Variants in PPP2R3B observed in about 807,000 individuals in gnomAD.
PPP2R3B encodes the protein serine/threonine-protein phosphatase 2A regulatory subunit B'' subunit beta.
In PPP2R3B, 68 loss-of-function variants were observed where a neutral mutation model predicts 72.9. The observed-to-expected ratio is 0.93, with a 90% confidence interval of 0.77 to 1.14. The LOEUF is 1.14. Ranked by LOEUF, PPP2R3B falls within the 50% of genes most tolerant of loss-of-function variation. The probability of loss-of-function intolerance (pLI) is 0.00; values close to 1 mark genes in which losing one functional copy is unlikely to be tolerated. For missense variants in PPP2R3B, 1,018 were observed against 842.0 expected, an observed-to-expected ratio of 1.21 and a Z score of -2.59; for synonymous variants, 466 against 375.8, an observed-to-expected ratio of 1.24 and a Z score of -2.78.
chrX:346,100 A>AGG lies in PPP2R3B; in HGVS notation c.879+72_879+73dup, dbSNP rs2071203589. ...GGGAGGGGAGGAGGGAGGGGGGAGGAGGGAAGGGAAGGGAGTGGAGGTAGG... is the reference window on the plus strand; with the variant it reads ...GGGAGGGGAGGAGGGAGGGGGGAGGAGGGGGAAGGGAAGGGAGTGGAGGTAGG... On this transcript the variant is annotated intron_variant, in intron 6 of 12. Coordinates refer to ENST00000390665, the MANE Select transcript of PPP2R3B (RefSeq NM_013239.5). 17 of 656,428 alleles carry AGG rather than the reference A, an allele frequency of 2.6e-5. 2 individuals carry two copies. Among genetic ancestry groups the AGG allele is most frequent in the South Asian group, 2.4e-4 (14 of 57,968 alleles). The allele number at this position is 656,428 out of a possible 1,614,324, so 40.7% of individuals were successfully genotyped here.
At position 341,015 on chromosome X, in the gene PPP2R3B, CCCA is replaced by C. The variant is rs1459999320; in HGVS notation, c.1176-78_1176-76del. 21 of 1,555,108 alleles carry C rather than the reference CCCA, an allele frequency of 1.4e-5. No individual in the cohort carries two copies. In the African/African-American group the frequency reaches 2.2e-4, roughly 16 times the overall value. On this transcript the variant is annotated intron_variant, in intron 9 of 12. Coordinates refer to ENST00000390665, the MANE Select transcript of PPP2R3B (RefSeq NM_013239.5). Reference sequence around the variant, plus strand: ...GTGACCTGCAGCCCCTGAGGCAGCCCCCACCGGGGGTGCACGCGTCCCCGCTGT... The same window carrying C: ...GTGACCTGCAGCCCCTGAGGCAGCCCCCGGGGGTGCACGCGTCCCCGCTGT...
rs1386147692 is a variant in PPP2R3B, at chrX:367,622, A to AG, written c.325-6033dup. The stretch of plus-strand genomic sequence containing the variant: ...GTAGGAAGCGTGTACTCCAAACGAG[A>AG]GAAAAGGCGACCAAGCTGAAAAAGA... On this transcript the variant is annotated intron_variant, in intron 1 of 12. Coordinates refer to ENST00000390665, the MANE Select transcript of PPP2R3B (RefSeq NM_013239.5). 2.6e-5 allele frequency among the ~76,000 whole-genome samples: 4 copies of AG among 152,256 alleles called. No homozygotes were observed. The East Asian group carries it at 5.8e-4, about 22-fold the overall frequency.
rs1295105220 is a variant in PPP2R3B, at chrX:374,885, A to AC, written c.324+11482dup. Among the ~76,000 whole-genome samples the AC allele has an allele frequency of 3.0e-4, 46 of 151,838 alleles. 1 individual carries two copies. The highest frequency in any genetic ancestry group is 5.7e-4 in the Non-Finnish European group (39 of 67,940). The stretch of plus-strand genomic sequence containing the variant: ...CAGAGGAGTTTCCCTGCCCTGAAAA[A>AC]CGTCTGTGTGGCACTGACGCACCCA... On this transcript the variant is annotated intron_variant, in intron 1 of 12. Coordinates refer to ENST00000390665, the MANE Select transcript of PPP2R3B (RefSeq NM_013239.5).
intron 12 of PPP2R3B, 92 bp downstream of exon 12, chrX:338,512 G>C: frequency 8.1e-7 from 1 of 1,229,460 alleles, no homozygotes; most frequent in Non-Finnish European, 1.1e-6. Context: ...TCCCCCGGCT[G>C]CACACACACC....
intron 2 of PPP2R3B, 37 bp from the exon 3 acceptor site, chrX:347,730 G>A (rs1019987525): frequency 1.4e-5 from 21 of 1,448,874 alleles, no homozygotes; most frequent in Non-Finnish European, 1.8e-5. Context: ...AGTCAGCAGG[G>A]CCTGGACGCC....
chrX:351,336 G>A (rs1008464138), intron 2 of PPP2R3B, among the ~76,000 whole-genome samples: 2 of 152,118 alleles, frequency 1.3e-5, no homozygotes, highest in Admixed American at 1.3e-4. Flanking sequence ...GGCCGTGCAG[G>A]TTTCAAACCC....
intron 10 of PPP2R3B, among the ~76,000 whole-genome samples, chrX:340,316 G>C (rs868719427): frequency 6.6e-6 from 1 of 150,912 alleles, no homozygotes; most frequent in Non-Finnish European, 1.5e-5. Context: ...GGTTCTCTAG[G>C]TCACCCCTCG....
In PPP2R3B at chrX:346,652, A is replaced by T. The variant is rs369791091; in HGVS notation, c.792+49T>A. The T allele has an allele frequency of 3.9e-3, 6,060 of 1,544,674 alleles. 16 individuals are homozygous for T. The highest frequency in any genetic ancestry group is 4.9e-3 in the Non-Finnish European group (5,563 of 1,130,782). On this transcript the variant is annotated intron_variant, in intron 5 of 12. Transcript: ENST00000390665. Reference sequence around the variant, plus strand: ...AAGCCCCGCGGCGGCCGCTGCAGAAACACCCGCGCCCCGCGCTGGAACCGA... The same window carrying T: ...AAGCCCCGCGGCGGCCGCTGCAGAATCACCCGCGCCCCGCGCTGGAACCGA...
At chrX:340,615 GCC>G in intron 10 of PPP2R3B, 148 bp downstream of exon 10, 1 of 471,788 alleles carries the variant, frequency 2.1e-6, no homozygotes, top group Non-Finnish European at 3.5e-6. Context: ...CTCTCCCTGG[GCC>G]GTCCTCCCTC....
chrX:352,596 G>A lies in PPP2R3B; in HGVS notation c.511-4903C>T, dbSNP rs1365572961. ...TACTGCTGAACCCTATTCCATTATGGCTCTGCTGACCTCAGAGTAGCTCCC... is the reference window on the plus strand; with the variant it reads ...TACTGCTGAACCCTATTCCATTATGACTCTGCTGACCTCAGAGTAGCTCCC... On this transcript the variant is annotated intron_variant, in intron 2 of 12. Transcript: ENST00000390665. 1.0e-4 allele frequency among the ~76,000 whole-genome samples: 11 copies of A among 109,432 alleles called. No homozygotes were observed. The East Asian group carries it at 3.3e-3, about 33-fold the overall frequency. The allele number at this position is 109,432 out of a possible 152,430, so 71.8% of individuals were successfully genotyped here.
chrX:362,069 C>G (rs2071553327), intron 1 of PPP2R3B, among the ~76,000 whole-genome samples: 1 of 152,154 alleles, frequency 6.6e-6, no homozygotes, highest in Admixed American at 6.5e-5. Context: ...CCGGAAGACT[C>G]ACATTCTGAG....
At chrX:339,168 C>A (rs1270358250) in intron 10 of PPP2R3B, among the ~76,000 whole-genome samples, 9 of 150,240 alleles carry the variant, frequency 6.0e-5, no homozygotes, top group Non-Finnish European at 1.2e-4. Flanking sequence ...GCGCGGCCAG[C>A]AGGGGCGCTG....
chrX:368,486 G>C (rs1360087521), intron 1 of PPP2R3B, among the ~76,000 whole-genome samples: 1 of 75,182 alleles, frequency 1.3e-5, no homozygotes, highest in Non-Finnish European at 2.5e-5. Flanking sequence ...GGGCACCGAC[G>C]GGGGGAAGGC....
chrX:347,244 G>A lies in PPP2R3B; in HGVS notation c.707C>T (p.Pro236Leu), dbSNP rs1475540267. The change falls in exon 4 of 13, where the codon CCC (proline) becomes CTC (leucine). Residue 236 changes from proline to leucine, a missense_variant. Coordinates refer to ENST00000390665, the MANE Select transcript of PPP2R3B (RefSeq NM_013239.5). ...GACGCAGGCTCTCACCTGCAAGAAG[G>A]GGACAAAGTCCTCCTGCACCAGGTA... ...CNYLVQEDFV[P>L]FLQDVVNTHP... 6.2e-7 allele frequency: 1 copy of A among 1,613,466 alleles called. No individual in the cohort carries two copies. Among genetic ancestry groups the A allele is most frequent in the Non-Finnish European group, 8.5e-7 (1 of 1,179,738 alleles).
At position 338,868 on chromosome X, in the gene PPP2R3B, G is replaced by C. The variant is rs1196780425; in HGVS notation, c.1380C>G (p.Arg460=). The C allele has an allele frequency of 3.1e-6, 5 of 1,612,448 alleles. No homozygotes were observed. The highest frequency in any genetic ancestry group is 4.2e-6 in the Non-Finnish European group (5 of 1,179,686). The change falls in exon 11 of 13, where the codon CGC becomes CGG. Residue 460 remains arginine (R), a synonymous_variant. Coordinates refer to ENST00000390665, the MANE Select transcript of PPP2R3B (RefSeq NM_013239.5). ...EGKITLQDLK[R]CKLANVFFDT... ...CGAAGAAGACGTTAGCCAGCTTGCA[G>C]CGCTTCAGGTCCTGCAGCGTGATCT...
At chrX:360,656 G>A (rs748452470) in intron 2 of PPP2R3B, among the ~76,000 whole-genome samples, 43 of 152,304 alleles carry the variant, frequency 2.8e-4, no homozygotes, top group Non-Finnish European at 4.9e-4. Context: ...ACCGTGCACC[G>A]AGGCTCTGGG....
intron 1 of PPP2R3B, among the ~76,000 whole-genome samples, chrX:385,521 T>C (rs1258255653): frequency 3.3e-5 from 5 of 151,996 alleles, no homozygotes; most frequent in African/African-American, 4.8e-5. Flanking sequence ...GCGTTTCTTC[T>C]AAGAAATACA....
At chrX:375,632 G>A (rs970482786) in intron 1 of PPP2R3B, among the ~76,000 whole-genome samples, 2 of 152,234 alleles carry the variant, frequency 1.3e-5, no homozygotes, top group East Asian at 3.9e-4. Flanking sequence ...CAGAGGTGCC[G>A]CCCCTTCAGT....
intron 1 of PPP2R3B, among the ~76,000 whole-genome samples, chrX:382,935 GCTT>G (rs1348684685): frequency 6.6e-6 from 1 of 152,096 alleles, no homozygotes; most frequent in Non-Finnish European, 1.5e-5. Context: ...ACTAGCACAT[GCTT>G]CTTGAGTCCT....
Sources: allele counts gnomAD v4.1 joint callset (sites outside exome capture counted in the v4.1 genomes callset), GRCh38; gene constraint gnomAD v4.1.1; transcripts MANE v1.5; gene names NCBI Gene and HGNC (gene_info 2026-07-23, HGNC 2026-07-21).